Variants in RELCH observed in about 807,000 individuals in gnomAD.
The protein encoded by RELCH is RAB11 binding and LisH domain, coiled-coil and HEAT repeat containing.
In RELCH, 41 loss-of-function variants were observed where a neutral mutation model predicts 150.3. The ratio of observed to expected loss-of-function variants is 0.27; its 90% CI spans 0.21 to 0.35. The LOEUF (loss-of-function observed/expected upper bound fraction) is 0.35. Ranked by LOEUF, RELCH falls within the 10% of genes least tolerant of loss-of-function variation. The pLI is 1.00. For synonymous variants in RELCH, 478 were observed against 531.8 expected (o/e 0.90, Z 1.39); for missense variants, 1,092 against 1,467.8 (o/e 0.74, Z 4.18).
At position 62,221,490 on chromosome 18, in the gene RELCH, A is replaced by G. The variant is rs763906706; in HGVS notation, c.851A>G (p.Asp284Gly). The G allele has an allele frequency of 1.3e-5, 18 of 1,429,816 alleles. No homozygotes were observed. Among genetic ancestry groups the G allele is most frequent in the Non-Finnish European group, 2.9e-6 (3 of 1,043,652 alleles). The allele number at this position is 1,429,816 out of a possible 1,614,324, so 88.6% of individuals were successfully genotyped here. Reference sequence around the variant, plus strand: ...TCAATAACCTTTTCAGATGAAAACGATGATCAGGTAAAGTTACTTTTTGTT... The same window carrying G: ...TCAATAACCTTTTCAGATGAAAACGGTGATCAGGTAAAGTTACTTTTTGTT... ...LTSITFSDENDDQDFELWDDV... is the reference protein window; with the variant it reads ...LTSITFSDENGDQDFELWDDV... The change falls in exon 5 of 29, where the codon GAT becomes GGT. Residue 284 changes from aspartate to glycine, a missense_variant. By Grantham distance (94) the Asp-to-Gly change is moderately conservative (BLOSUM62 -1). Around this residue, in one of 4 missense-constraint regions of RELCH, gnomAD observed 190 missense variants for 276.2 expected, o/e 0.69. Coordinates refer to ENST00000644646, the MANE Select transcript of RELCH (RefSeq NM_001346231.2).
rs190765673 is a variant in RELCH, at chr18:62,203,492, G to A, written c.527-7661G>A. ...ATGTCCAAGCTCACTAGAAATCAAA[G>A]AGATACATAATTAAACAAAATATAA... On this transcript the variant is annotated intron_variant, in intron 1 of 28. Transcript: ENST00000644646. 2.1e-4 allele frequency among the ~76,000 whole-genome samples: 32 copies of A among 152,136 alleles called. No homozygotes were observed. In the East Asian group the frequency reaches 4.4e-3, roughly 21 times the overall value.
At chr18:62,293,385 C>T (rs1262928171) in intron 27 of RELCH, among the ~76,000 whole-genome samples, 1 of 152,174 alleles carries the variant, frequency 6.6e-6, no homozygotes, top group Non-Finnish European at 1.5e-5. Flanking sequence ...GTCCAAAATA[C>T]GGAGGGCAGG....
chr18:62,253,487 T>G (rs1461317242), intron 12 of RELCH, among the ~76,000 whole-genome samples: 1 of 152,178 alleles, frequency 6.6e-6, no homozygotes, highest in African/African-American at 2.4e-5. Context: ...ATTGACTTTC[T>G]AGACTTAATG....
intron 12 of RELCH, among the ~76,000 whole-genome samples, chr18:62,253,362 G>T (rs372155028): frequency 6.6e-6 from 1 of 151,424 alleles, no homozygotes; most frequent in Non-Finnish European, 1.5e-5. Flanking sequence ...TATATAAGGT[G>T]TAAATCTTTG....
At chr18:62,229,820 A>C (rs75443797) in intron 8 of RELCH, among the ~76,000 whole-genome samples, 13,265 of 152,064 alleles carry the variant, frequency 0.087, 661 homozygotes, top group Middle Eastern at 0.17. Flanking sequence ...TAGGGGAACA[A>C]AGAAGGGTTT....
At chr18:62,295,920 G>C (rs2045386838) in intron 27 of RELCH, among the ~76,000 whole-genome samples, 1 of 152,100 alleles carries the variant, frequency 6.6e-6, no homozygotes, top group Non-Finnish European at 1.5e-5. Context: ...CCATGCATTT[G>C]CTATATTTTA....
chr18:62,242,940 A>G (rs886145603), intron 10 of RELCH, among the ~76,000 whole-genome samples: 3 of 152,158 alleles, frequency 2.0e-5, no homozygotes, highest in East Asian at 1.9e-4. Context: ...TAGTATGAGA[A>G]GTATACATGT....
chr18:62,211,962 T>C (rs2040199257), intron 2 of RELCH, among the ~76,000 whole-genome samples: 1 of 152,144 alleles, frequency 6.6e-6, no homozygotes, highest in African/African-American at 2.4e-5. Context: ...AGTAAGGGCC[T>C]CCAGGACACT....
At chr18:62,228,974 A>G (rs2041385856) in intron 8 of RELCH, among the ~76,000 whole-genome samples, 1 of 152,170 alleles carries the variant, frequency 6.6e-6, no homozygotes, top group Middle Eastern at 3.4e-3. Flanking sequence ...TATGTTAAAG[A>G]AGGAATAATT....
intron 22 of RELCH, among the ~76,000 whole-genome samples, chr18:62,278,663 T>C (rs1230838852): frequency 6.6e-6 from 1 of 152,150 alleles, no homozygotes; most frequent in Non-Finnish European, 1.5e-5. Context: ...AGGATTAATA[T>C]GTGCTTACAT....
At chr18:62,189,429 C>T (rs1184510286) in intron 1 of RELCH, among the ~76,000 whole-genome samples, 4 of 151,974 alleles carry the variant, frequency 2.6e-5, no homozygotes, top group African/African-American at 7.2e-5. Flanking sequence ...ACTTTCAAAC[C>T]TCCATCATAG....
At chr18:62,192,836 C>T (rs2038749522) in intron 1 of RELCH, among the ~76,000 whole-genome samples, 1 of 152,090 alleles carries the variant, frequency 6.6e-6, no homozygotes, top group Non-Finnish European at 1.5e-5. Context: ...CAGCTTTGTT[C>T]TTTTTGCTGA....
intron 1 of RELCH, among the ~76,000 whole-genome samples, chr18:62,195,205 G>C (rs2038937092): frequency 6.6e-6 from 1 of 151,908 alleles, no homozygotes; most frequent in Non-Finnish European, 1.5e-5. Context: ...TCGTTGTAAT[G>C]TTCCTACTAA....
intron 1 of RELCH, among the ~76,000 whole-genome samples, chr18:62,208,310 C>T (rs2039940420): frequency 6.7e-6 from 1 of 150,364 alleles, no homozygotes; most frequent in Admixed American, 6.6e-5. Context: ...GTATTTCTTC[C>T]ATTGTGTAGA....
At chr18:62,304,974 T>A (rs2045823480) in intron 28 of RELCH, among the ~76,000 whole-genome samples, 2 of 152,234 alleles carry the variant, frequency 1.3e-5, no homozygotes, top group Non-Finnish European at 2.9e-5. Flanking sequence ...AATATTTATC[T>A]TCCAGGATTG....
rs534750104 is a variant in RELCH at position 62,197,291 on chromosome 18, T to C, written c.526+9260T>C. Reference sequence around the variant, plus strand: ...TTAATCTGGGAAAACCAACCTTATTTCTGTGAAAAATTAAAATTATGCTTT... The same window carrying C: ...TTAATCTGGGAAAACCAACCTTATTCCTGTGAAAAATTAAAATTATGCTTT... On this transcript the variant is annotated intron_variant, in intron 1 of 28. Transcript: ENST00000644646. Among the ~76,000 whole-genome samples, 344 of 152,326 alleles carry C rather than the reference T, an allele frequency of 2.3e-3. 2 individuals are homozygous for C. Among genetic ancestry groups the C allele is most frequent in the Middle Eastern group, 0.017 (5 of 294 alleles).
At chr18:62,232,262 T>C (rs2148437274) in intron 9 of RELCH, 70 bp from the exon 10 acceptor site, 1 of 974,232 alleles carries the variant, frequency 1.0e-6, no homozygotes, top group Non-Finnish European at 1.7e-6. Flanking sequence ...GCCTAAAGAA[T>C]GAACTTTTCC....
intron 28 of RELCH, among the ~76,000 whole-genome samples, chr18:62,301,680 G>A (rs1215607514): frequency 6.6e-6 from 1 of 152,106 alleles, no homozygotes; most frequent in Non-Finnish European, 1.5e-5. Flanking sequence ...TTCCCAGGTG[G>A]TGCTAATGCT....
At chr18:62,226,793 T>G (rs1244767295) in intron 5 of RELCH, among the ~76,000 whole-genome samples, 1 of 152,122 alleles carries the variant, frequency 6.6e-6, no homozygotes, top group Non-Finnish European at 1.5e-5. Flanking sequence ...AGAATAATAT[T>G]GGATACTGGA....
Sources: allele counts gnomAD v4.1 joint callset (sites outside exome capture counted in the v4.1 genomes callset), GRCh38; gene constraint gnomAD v4.1.1; regional missense constraint gnomAD v4.1.1; transcripts MANE v1.5; gene names NCBI Gene and HGNC (gene_info 2026-07-23, HGNC 2026-07-21).